The following RAB3C variants were observed in gnomAD, a reference collection of about 807,000 sequenced individuals.
RAB3C encodes the protein ras-related protein Rab-3C.
In RAB3C, 17 loss-of-function variants were observed where a neutral mutation model predicts 26.4. The observed-to-expected ratio is 0.64, with a 90% CI of 0.44 to 0.97. RAB3C has a LOEUF of 0.97. Ranked by LOEUF, RAB3C falls within the 50% of genes least tolerant of loss-of-function variation. The pLI is 0.00. For synonymous variants in RAB3C, 91 were observed against 95.9 expected (o/e 0.95, Z 0.30); for missense variants, 242 against 281.9 (o/e 0.86, Z 1.01).
intron 4 of RAB3C, among the ~76,000 whole-genome samples, chr5:58,825,850 T>C (rs1743464744): frequency 6.6e-6 from 1 of 152,154 alleles, no homozygotes; most frequent in African/African-American, 2.4e-5. Context: ...GATTGATTGA[T>C]TGAGCCAAGA....
chr5:58,687,287 C>G (rs904383754), intron 2 of RAB3C, among the ~76,000 whole-genome samples: 1 of 152,132 alleles, frequency 6.6e-6, no homozygotes, highest in African/African-American at 2.4e-5. Context: ...AGAGAGGGAA[C>G]CATGCCAGAA....
intron 3 of RAB3C, among the ~76,000 whole-genome samples, chr5:58,810,803 G>C (rs1166191755): frequency 6.6e-6 from 1 of 152,102 alleles, no homozygotes; most frequent in Non-Finnish European, 1.5e-5. Flanking sequence ...CGCCATGTTG[G>C]CCAGGCTGGT....
At chr5:58,673,445 T>TAC (rs1491280362) in intron 2 of RAB3C, among the ~76,000 whole-genome samples, 1 of 118,062 alleles carries the variant, frequency 8.5e-6, no homozygotes, top group Non-Finnish European at 1.8e-5. Context: ...ACGAACTAGT[T>TAC]ATACACACAC....
At chr5:58,636,208 T>C (rs1352245624) in intron 2 of RAB3C, among the ~76,000 whole-genome samples, 1 of 152,234 alleles carries the variant, frequency 6.6e-6, no homozygotes, top group Admixed American at 6.5e-5. Flanking sequence ...CAAAGAGATC[T>C]TCTGTCTGGT....
At chr5:58,795,915 G>A (rs768243660) in intron 3 of RAB3C, among the ~76,000 whole-genome samples, 1 of 152,134 alleles carries the variant, frequency 6.6e-6, no homozygotes, top group African/African-American at 2.4e-5. Context: ...AGTGAAACAT[G>A]GTTAAGGTTA....
chr5:58,650,617 A>T (rs2111785479), intron 2 of RAB3C, among the ~76,000 whole-genome samples: 1 of 152,308 alleles, frequency 6.6e-6, no homozygotes, highest in Non-Finnish European at 1.5e-5. Context: ...ACCTCAGTTT[A>T]TCAGCTTTCA....
chr5:58,753,121 A>G (rs1033736803), intron 3 of RAB3C, among the ~76,000 whole-genome samples: 1 of 152,192 alleles, frequency 6.6e-6, no homozygotes, highest in Non-Finnish European at 1.5e-5. Flanking sequence ...TCAATTAGTT[A>G]TTTGAAGCTT....
chr5:58,629,251 G>C (rs1561272261), intron 2 of RAB3C, among the ~76,000 whole-genome samples: 1 of 151,964 alleles, frequency 6.6e-6, no homozygotes, highest in Non-Finnish European at 1.5e-5. Context: ...GGTTTTGGAA[G>C]CCCAAATATC....
At chr5:58,582,640 CTT>C (rs1249666909), upstream of RAB3C, among the ~76,000 whole-genome samples, 5 of 152,182 alleles carry the variant, frequency 3.3e-5, no homozygotes, top group African/African-American at 7.2e-5. Context: ...AACGTAGAAA[CTT>C]TCCCGATTCG....
intron 2 of RAB3C, among the ~76,000 whole-genome samples, chr5:58,638,955 C>G (rs1174386266): frequency 3.9e-5 from 6 of 152,104 alleles, no homozygotes; most frequent in Non-Finnish European, 7.3e-5. Flanking sequence ...CCATGCCTGC[C>G]TTACTGCATT....
chr5:58,672,494 A>G (rs887432957), intron 2 of RAB3C, among the ~76,000 whole-genome samples: 1 of 152,184 alleles, frequency 6.6e-6, no homozygotes. Flanking sequence ...CGAAGGTCAT[A>G]TCTATGTCCA....
intron 2 of RAB3C, among the ~76,000 whole-genome samples, chr5:58,627,576 G>GC (rs1305756015): frequency 1.4e-5 from 2 of 147,570 alleles, no homozygotes; most frequent in African/African-American, 4.9e-5. Context: ...TATTTTTCAA[G>GC]CCAGACTTAA....
At chr5:58,800,796 A>G (rs1742790485) in intron 3 of RAB3C, among the ~76,000 whole-genome samples, 1 of 152,202 alleles carries the variant, frequency 6.6e-6, no homozygotes, top group South Asian at 2.1e-4. Context: ...AGTGTAGCTC[A>G]GAGTGACCAT....
At chr5:58,760,570 A>C (rs1462871116) in intron 3 of RAB3C, among the ~76,000 whole-genome samples, 1 of 152,232 alleles carries the variant, frequency 6.6e-6, no homozygotes, top group Non-Finnish European at 1.5e-5. Context: ...CCCCAAAATC[A>C]AGTGCCAATT....
At chr5:58,845,095 G>C (rs1386550411) in intron 4 of RAB3C, among the ~76,000 whole-genome samples, 1 of 152,172 alleles carries the variant, frequency 6.6e-6, no homozygotes, top group Non-Finnish European at 1.5e-5. Context: ...ATGTGGAATG[G>C]AGTCCCCTAG....
chr5:58,689,153 A>C (rs1450970876), intron 2 of RAB3C: 2 of 152,188 alleles, frequency 1.3e-5, no homozygotes, highest in Non-Finnish European at 2.9e-5. Flanking sequence ...GGCTACTATG[A>C]GACGAGACCA....
chr5:58,625,576 C>T (rs185313106), intron 2 of RAB3C, among the ~76,000 whole-genome samples: 184 of 152,124 alleles, frequency 1.2e-3, no homozygotes, highest in Middle Eastern at 0.01. Flanking sequence ...ATTCAAATAC[C>T]GGCCGGGCAC....
At chr5:58,593,388 T>A (rs1038431625) in intron 1 of RAB3C, among the ~76,000 whole-genome samples, 1 of 152,172 alleles carries the variant, frequency 6.6e-6, no homozygotes, top group Non-Finnish European at 1.5e-5. Flanking sequence ...AGTAATTAAC[T>A]GAGCTTCTTA....
chr5:58,717,054 T>C (rs1749187066), intron 2 of RAB3C, among the ~76,000 whole-genome samples: 1 of 152,066 alleles, frequency 6.6e-6, no homozygotes. Flanking sequence ...AGGCTATGCA[T>C]GTGTGGGGCT....
Sources: gnomAD v4.1 joint callset for allele counts (sites outside exome capture counted in the v4.1 genomes callset) on GRCh38, gnomAD v4.1.1 for gene constraint, MANE v1.5 for transcripts, NCBI Gene and HGNC (gene_info 2026-07-23, HGNC 2026-07-21) for gene names.